DYNC2H1: variants seen among roughly 807,000 people sequenced by gnomAD.
DYNC2H1 encodes dynein cytoplasmic 2 heavy chain 1.
A neutral mutation model predicts 570.0 loss-of-function variants in DYNC2H1; 410 were observed. The observed-to-expected ratio is 0.72, with a 90% CI of 0.66 to 0.78. The LOEUF (loss-of-function observed/expected upper bound fraction) is 0.78. Among genes scored for constraint, DYNC2H1 ranks in the 30% least tolerant of loss-of-function variants. The pLI is 0.00. For synonymous variants in DYNC2H1, 1,688 were observed against 1,677.6 expected, an observed-to-expected ratio of 1.01 and a Z score of -0.15; for missense variants, 4,865 against 5,046.4, an observed-to-expected ratio of 0.96 and a Z score of 1.09.
chr11:103,147,005 G>T (rs1860274256), intron 18 of DYNC2H1, among the ~76,000 whole-genome samples: 2 of 152,012 alleles, frequency 1.3e-5, no homozygotes, highest in African/African-American at 2.4e-5. Context: ...AATTTATTTT[G>T]CCATTTCTAT....
rs570400720 is a variant in DYNC2H1 at position 103,228,454 on chromosome 11, G to A, written c.9354-2806G>A. On this transcript the variant is annotated intron_variant, in intron 59 of 88. Coordinates refer to ENST00000375735, the MANE Select transcript of DYNC2H1 (RefSeq NM_001377.3). The surrounding 1 kb of genome is among the most constrained non-coding windows in gnomAD (Gnocchi z 6.1). ...GATCTGAACTGTAGTGATTGTTTTT[G>A]CGCTTCTGGGTCTAGCTACCCAGCA... Among the ~76,000 whole-genome samples the A allele has an allele frequency of 1.7e-4, 26 of 152,184 alleles. No homozygotes were observed. Among genetic ancestry groups the A allele is most frequent in the Non-Finnish European group, 3.7e-4 (25 of 68,004 alleles).
chr11:103,155,761 A>G (rs1180743155), intron 25 of DYNC2H1, among the ~76,000 whole-genome samples: 1 of 152,196 alleles, frequency 6.6e-6, no homozygotes, highest in Non-Finnish European at 1.5e-5. Context: ...GCTCTCAGGT[A>G]AAAGTAAAAG....
chr11:103,222,662 CATT>C (rs775168063), intron 58 of DYNC2H1, among the ~76,000 whole-genome samples: 26 of 152,192 alleles, frequency 1.7e-4, no homozygotes, highest in African/African-American at 4.3e-4. Context: ...GATGCTCAAA[CATT>C]GTTGTGGATG....
rs1415775605 is a variant in DYNC2H1, at chr11:103,177,059, A to G, written c.5875-497A>G. Among the ~76,000 whole-genome samples, 1 of 152,044 alleles carries G rather than the reference A, an allele frequency of 6.6e-6. No homozygotes were observed. Among genetic ancestry groups the G allele is most frequent in the East Asian group, 1.9e-4 (1 of 5,196 alleles). On this transcript the variant is annotated intron_variant, in intron 37 of 88. Coordinates refer to ENST00000375735, the MANE Select transcript of DYNC2H1 (RefSeq NM_001377.3). The surrounding 1 kb of genome is among the most constrained non-coding windows in gnomAD (Gnocchi z 4.4). ...ATTTCTATTGCCTGTTATAGTACCT[A>G]ATGTGTAATGGATTCATCATTTTTT...
At position 103,446,504 on chromosome 11, in the gene DYNC2H1, G is replaced by A. The variant is rs1221827407; in HGVS notation, c.12457-8682G>A. 1.3e-5 allele frequency among the ~76,000 whole-genome samples: 2 copies of A among 152,150 alleles called. No individual in the cohort carries two copies. The highest frequency in any genetic ancestry group is 2.9e-5 in the Non-Finnish European group (2 of 68,018). On this transcript the variant is annotated intron_variant, in intron 85 of 88. Transcript: ENST00000375735. This position sits in a 1 kb window ranked among gnomAD's most constrained non-coding sequence, Gnocchi z 4.5. Reference sequence around the variant, plus strand: ...GTTGGTGATCTTGAGGAGATGTTTTGTGAAGTTCTAAAGAATGAAAGCCTG... The same window carrying A: ...GTTGGTGATCTTGAGGAGATGTTTTATGAAGTTCTAAAGAATGAAAGCCTG...
intron 80 of DYNC2H1, among the ~76,000 whole-genome samples, chr11:103,318,691 G>A (rs561520269): frequency 6.6e-6 from 1 of 152,002 alleles, no homozygotes; most frequent in African/African-American, 2.4e-5. Flanking sequence ...ACTAGTTAAT[G>A]CCAAATAGTA....
rs1352759902 is a variant in DYNC2H1, at chr11:103,261,441, G to A, written c.10695+1464G>A. 6.6e-6 allele frequency among the ~76,000 whole-genome samples: 1 copy of A among 152,110 alleles called. No homozygotes were observed. The highest frequency in any genetic ancestry group is 2.4e-5 in the African/African-American group (1 of 41,364). On this transcript the variant is annotated intron_variant, in intron 70 of 88. Coordinates refer to ENST00000375735, the MANE Select transcript of DYNC2H1 (RefSeq NM_001377.3). The surrounding 1 kb of genome is among the most constrained non-coding windows in gnomAD (Gnocchi z 4.8). ...AAGGGGTCGACAGACATCTCATATA[G>A]GAGCACTGCAGCTGGCATCTGGTGC...
intron 55 of DYNC2H1, 27 bp from the exon 56 acceptor site, chr11:103,219,888 T>C (rs1415262714): frequency 3.1e-6 from 4 of 1,295,512 alleles, no homozygotes; most frequent in Non-Finnish European, 4.2e-6. Context: ...TAAAATTGAT[T>C]GGAATGCCAC....
At chr11:103,456,383 A>G (rs1400510803) in intron 87 of DYNC2H1, 27 bp downstream of exon 87, 1 of 1,550,972 alleles carries the variant, frequency 6.4e-7, no homozygotes, top group East Asian at 2.3e-5. Context: ...AGATCTTGGA[A>G]TCTCAGCCTT....
Position 103,302,659 on chromosome 11 carries a change from G to A in DYNC2H1, c.11096-434G>A, listed in dbSNP as rs148921794. 4.8e-3 allele frequency among the ~76,000 whole-genome samples: 732 copies of A among 152,072 alleles called. 2 individuals carry two copies. The highest frequency in any genetic ancestry group is 0.017 in the African/African-American group (694 of 41,508). On this transcript the variant is annotated intron_variant, in intron 75 of 88. Transcript: ENST00000375735. ...ATGAGAAATCTGATTCCCCATATGC[G>A]TGACACAGAGTAGGCACTCAACTAT...
intron 55 of DYNC2H1, among the ~76,000 whole-genome samples, chr11:103,219,340 G>T (rs756610878): frequency 6.9e-6 from 1 of 144,692 alleles, no homozygotes; most frequent in Middle Eastern, 3.2e-3. Flanking sequence ...TCTGCTGGGC[G>T]CAGTGGCTCA....
At chr11:103,248,540 A>G (rs1864709298) in intron 65 of DYNC2H1, among the ~76,000 whole-genome samples, 6 of 152,086 alleles carry the variant, frequency 3.9e-5, no homozygotes, top group Admixed American at 3.9e-4. Flanking sequence ...TTTTATATTC[A>G]TTGTTATGTC....
At chr11:103,447,682 T>TCA (rs1944472910) in intron 85 of DYNC2H1, among the ~76,000 whole-genome samples, 1 of 152,170 alleles carries the variant, frequency 6.6e-6, no homozygotes, top group South Asian at 2.1e-4. Flanking sequence ...TTGAGAGGTT[T>TCA]ATTATAACTA....
intron 88 of DYNC2H1, among the ~76,000 whole-genome samples, chr11:103,471,978 G>A (rs1383522598): frequency 2.6e-5 from 4 of 152,196 alleles, no homozygotes. Context: ...AGTAATAACA[G>A]TTTAAGGACA....
At chr11:103,271,572 G>C (rs886959118) in intron 70 of DYNC2H1, among the ~76,000 whole-genome samples, 1 of 152,108 alleles carries the variant, frequency 6.6e-6, no homozygotes, top group Non-Finnish European at 1.5e-5. Context: ...GTCTCTTTGA[G>C]GATCATGGGG....
rs1311680609 is a variant in DYNC2H1 at position 103,326,138 on chromosome 11, A to G, written c.12039+2148A>G. On this transcript the variant is annotated intron_variant, in intron 82 of 88. Coordinates refer to ENST00000375735, the MANE Select transcript of DYNC2H1 (RefSeq NM_001377.3). The surrounding 1 kb of genome is among the most constrained non-coding windows in gnomAD (Gnocchi z 6.1). ...TGTAGTTTGGGCTTCAGTCCAATAG[A>G]TGGCGCTTAGGAGTAGTGGCTGGTA... is the stretch of plus-strand genomic sequence containing the variant. Among the ~76,000 whole-genome samples, 1 of 151,964 alleles carries G rather than the reference A, an allele frequency of 6.6e-6. No homozygotes were observed. Among genetic ancestry groups the G allele is most frequent in the Non-Finnish European group, 1.5e-5 (1 of 68,022 alleles).
chr11:103,360,569 A>G (rs1401897669), intron 83 of DYNC2H1, among the ~76,000 whole-genome samples: 3 of 152,052 alleles, frequency 2.0e-5, no homozygotes, highest in African/African-American at 4.8e-5. Context: ...ATGAATGGTC[A>G]TTTATAATAT....
intron 83 of DYNC2H1, among the ~76,000 whole-genome samples, chr11:103,378,906 A>G (rs960891511): frequency 2.6e-5 from 4 of 152,180 alleles, no homozygotes; most frequent in Admixed American, 2.6e-4. Flanking sequence ...CCTTCAGAGT[A>G]TTCTTTGTCT....
intron 83 of DYNC2H1, among the ~76,000 whole-genome samples, chr11:103,376,767 TCTA>T (rs10579080): frequency 0.19 from 28,595 of 152,182 alleles, 2,880 homozygotes; most frequent in Admixed American, 0.27. Context: ...TAAATTAACA[TCTA>T]CTGGTGGGTT....
Sources: gnomAD v4.1 joint callset for allele counts (sites outside exome capture counted in the v4.1 genomes callset) on GRCh38, gnomAD v4.1.1 for gene constraint, Gnocchi (gnomAD v3.1) non-coding constraint, MANE v1.5 for transcripts, NCBI Gene and HGNC (gene_info 2026-07-23, HGNC 2026-07-21) for gene names.